DNAH3: variants seen among roughly 807,000 people sequenced by gnomAD.
DNAH3 encodes the protein dynein axonemal heavy chain 3, also known as axonemal beta dynein heavy chain 3.
A neutral mutation model predicts 432.5 loss-of-function variants in DNAH3; 332 were observed. The observed-to-expected ratio is 0.77, with a 90% CI of 0.70 to 0.84. DNAH3 has a LOEUF of 0.84. DNAH3 is among the 40% of genes least tolerant of loss of function. The probability of loss-of-function intolerance (pLI) is 0.00; values close to 1 mark genes in which losing one functional copy is unlikely to be tolerated. For missense variants in DNAH3, 4,861 were observed against 5,114.0 expected, an observed-to-expected ratio of 0.95 and a Z score of 1.51; for synonymous variants, 1,956 against 1,900.2, an observed-to-expected ratio of 1.03 and a Z score of -0.76.
rs891946856 is a variant in DNAH3 at position 20,979,054 on chromosome 16, T to TA, written c.8076+275dup. Among the ~76,000 whole-genome samples, 99 of 149,980 alleles carry TA rather than the reference T, an allele frequency of 6.6e-4. No individual in the cohort carries two copies. In the East Asian group the frequency reaches 8.8e-3, roughly 13 times the overall value. The stretch of plus-strand genomic sequence containing the variant: ...TTGAGGACAAAACTTAAGGGGTCAT[T>TA]AAAAAAAAAGTACTCAAGATAAATA... On this transcript the variant is annotated intron_variant, in intron 50 of 61. Coordinates refer to ENST00000261383, the Ensembl canonical transcript of DNAH3.
chr16:20,975,240 C>T, exon 51 of DNAH3: 1 of 1,613,338 alleles, frequency 6.2e-7, no homozygotes, highest in South Asian at 1.1e-5. Context: ...TACCTTGATT[C>T]CTTGGGCAAT....
chr16:21,043,180 T>C (rs2089526271), intron 31 of DNAH3, among the ~76,000 whole-genome samples: 1 of 151,850 alleles, frequency 6.6e-6, no homozygotes, highest in Non-Finnish European at 1.5e-5. Flanking sequence ...CATTTGGGTA[T>C]ATACCCAGTA....
In DNAH3 at chr16:21,081,623, G is replaced by A. The variant is rs2091189215; in HGVS notation, c.2969+13C>T. ...GACCAAAACCTTATCTGAAGGAGGG[G>A]ATAAGCCCTTACTTTTCAACGAATT... On this transcript the variant is annotated intron_variant, in intron 20 of 61. Transcript: ENST00000261383. 7 of 1,609,654 alleles carry A rather than the reference G, an allele frequency of 4.3e-6. No homozygotes were observed. Among genetic ancestry groups the A allele is most frequent in the Non-Finnish European group, 6.0e-6 (7 of 1,176,308 alleles).
At chr16:20,964,640 T>C (rs201805226) in exon 53 of DNAH3, 1 of 1,614,158 alleles carries the variant, frequency 6.2e-7, no homozygotes, top group Non-Finnish European at 8.5e-7. Flanking sequence ...TGAGGGTCAA[T>C]CATTAAGGCC....
At chr16:21,140,332 C>T (rs945719598) in intron 5 of DNAH3, 3 of 494,468 alleles carry the variant, frequency 6.1e-6, no homozygotes, top group Non-Finnish European at 1.1e-5. Flanking sequence ...GGGCAGAGAA[C>T]ATGTACACAC....
chr16:20,934,750 T>G (rs1230247697), intron 61 of DNAH3, among the ~76,000 whole-genome samples: 1 of 152,204 alleles, frequency 6.6e-6, no homozygotes, highest in African/African-American at 2.4e-5. Flanking sequence ...TTTTTTTCAA[T>G]GTTTATCCTA....
intron 41 of DNAH3, among the ~76,000 whole-genome samples, chr16:21,016,090 A>G (rs986112908): frequency 1.3e-5 from 2 of 152,050 alleles, no homozygotes; most frequent in Non-Finnish European, 2.9e-5. Context: ...TGCCTGGCCG[A>G]GATATGATTT....
exon 7 of DNAH3, chr16:21,134,350 T>C (rs1370378321): frequency 2.5e-6 from 4 of 1,614,190 alleles, no homozygotes; most frequent in Admixed American, 1.7e-5. Flanking sequence ...CTGTAGACAC[T>C]GTGCCAGGGC....
intron 57 of DNAH3, among the ~76,000 whole-genome samples, chr16:20,946,070 C>T (rs1295705736): frequency 6.6e-6 from 1 of 152,190 alleles, no homozygotes; most frequent in Non-Finnish European, 1.5e-5. Flanking sequence ...TAAAATTTAA[C>T]CTGAAAGCCT....
chr16:20,969,974 T>TC lies in DNAH3; in HGVS notation c.8275dup (p.Asp2759GlyfsTer4). The TC allele has an allele frequency of 6.2e-7, 1 of 1,613,820 alleles. No individual in the cohort carries two copies. Among genetic ancestry groups the TC allele is most frequent in the South Asian group, 1.1e-5 (1 of 91,078 alleles). ...GAGTGCAGGCATTGCCTCAGCTAGG[T>TC]CCCCCTCACATTCGTTCTGTGGGCG... On this transcript the variant is annotated frameshift_variant, in exon 52 of 62. Transcript: ENST00000261383. LOFTEE classifies it high-confidence loss of function.
chr16:21,145,752 G>A (rs2092775405), intron 2 of DNAH3, among the ~76,000 whole-genome samples: 1 of 152,210 alleles, frequency 6.6e-6, no homozygotes, highest in Non-Finnish European at 1.5e-5. Flanking sequence ...AAATAACACA[G>A]CAGATCAGTG....
chr16:20,964,200 A>T (rs3826156), exon 53 of DNAH3: 2 of 1,613,844 alleles, frequency 1.2e-6, no homozygotes, highest in African/African-American at 1.3e-5. Flanking sequence ...TGTTCTTGGC[A>T]CTTTCCACAA....
intron 51 of DNAH3, among the ~76,000 whole-genome samples, chr16:20,974,588 T>TTG (rs1555514763): frequency 7.3e-6 from 1 of 136,740 alleles, no homozygotes; most frequent in Non-Finnish European, 1.6e-5. Flanking sequence ...TGTTTTTTTT[T>TTG]TTTTTTTTTT....
chr16:20,983,187 G>A (rs374182419), intron 48 of DNAH3, among the ~76,000 whole-genome samples: 4 of 152,066 alleles, frequency 2.6e-5, no homozygotes, highest in East Asian at 3.9e-4. Flanking sequence ...GTGCAGTGGC[G>A]CAATCTCGGC....
intron 41 of DNAH3, among the ~76,000 whole-genome samples, chr16:21,017,476 C>G (rs552505691): frequency 4.3e-4 from 65 of 152,290 alleles, no homozygotes; most frequent in African/African-American, 1.5e-3. Flanking sequence ...CCATTTCTCT[C>G]TTATCTACCT....
chr16:20,950,647 A>C (rs776115051), intron 56 of DNAH3, among the ~76,000 whole-genome samples: 1 of 152,154 alleles, frequency 6.6e-6, no homozygotes, highest in Non-Finnish European at 1.5e-5. Context: ...ACTCCTTAAC[A>C]TATGGAGCTG....
intron 41 of DNAH3, among the ~76,000 whole-genome samples, chr16:21,017,965 G>A (rs529073611): frequency 2.7e-4 from 41 of 151,762 alleles, no homozygotes; most frequent in Non-Finnish European, 5.3e-4. Flanking sequence ...TACATACCTG[G>A]TCATCCCTCT....
intron 49 of DNAH3, among the ~76,000 whole-genome samples, chr16:20,980,323 T>TACATCATATATTATATTATATATTATA (rs1471723347): frequency 2.1e-5 from 3 of 143,650 alleles, no homozygotes; most frequent in Non-Finnish European, 4.5e-5. Flanking sequence ...TATTATAATA[T>TACATCATATATTATATTATATATTATA]ATACTATATT....
intron 18 of DNAH3, among the ~76,000 whole-genome samples, chr16:21,093,035 C>A (rs1180392052): frequency 1.3e-5 from 2 of 151,508 alleles, no homozygotes; most frequent in Non-Finnish European, 2.9e-5. Context: ...TTAGTGAGAC[C>A]CTCATCTCAA....
Sources: gnomAD v4.1 joint callset for allele counts (sites outside exome capture counted in the v4.1 genomes callset) on GRCh38, gnomAD v4.1.1 for gene constraint, MANE v1.5 for transcripts, NCBI Gene and HGNC (gene_info 2026-07-23, HGNC 2026-07-21) for gene names.